NINL: variants seen among roughly 807,000 people sequenced by gnomAD.
The protein encoded by NINL is ninein-like protein.
A neutral mutation model predicts 160.3 loss-of-function variants in NINL; 153 were observed. The observed-to-expected ratio is 0.95, with a 90% confidence interval of 0.84 to 1.09. NINL has a LOEUF of 1.09. Among genes scored for constraint, NINL ranks in the 50% least tolerant of loss-of-function variants. NINL has a pLI of 0.00. For synonymous variants in NINL, 800 were observed against 734.8 expected (o/e 1.09, Z -1.43); for missense variants, 1,829 against 1,764.0 (o/e 1.04, Z -0.66).
At chr20:25,583,499 A>T (rs2065196026) in intron 1 of NINL, among the ~76,000 whole-genome samples, 1 of 152,224 alleles carries the variant, frequency 6.6e-6, no homozygotes, top group African/African-American at 2.4e-5. Flanking sequence ...GCTGTGGAGG[A>T]ATAGGAACGC....
intron 8 of NINL, chr20:25,499,282 C>G: frequency 1.1e-6 from 1 of 952,138 alleles, no homozygotes; most frequent in Non-Finnish European, 1.3e-6. Context: ...AGGGACAGAA[C>G]CGCCACAGCA....
At chr20:25,550,797 T>A (rs1163541676) in intron 1 of NINL, among the ~76,000 whole-genome samples, 1 of 152,092 alleles carries the variant, frequency 6.6e-6, no homozygotes, top group Admixed American at 6.6e-5. Flanking sequence ...TACGATCAGG[T>A]TTTACACTGA....
At chr20:25,480,044 C>T in intron 15 of NINL, 117 bp downstream of exon 15, 1 of 749,852 alleles carries the variant, frequency 1.3e-6, no homozygotes, top group South Asian at 1.5e-5. Context: ...AAGGGGCTCA[C>T]AATGAGACAA....
intron 13 of NINL, among the ~76,000 whole-genome samples, chr20:25,488,616 C>T (rs2063553678): frequency 6.6e-6 from 1 of 151,980 alleles, no homozygotes; most frequent in East Asian, 1.9e-4. Context: ...CAGGTTTGAG[C>T]ATCCCGTCCT....
At chr20:25,512,529 G>A (rs2064088764) in intron 4 of NINL, among the ~76,000 whole-genome samples, 1 of 152,084 alleles carries the variant, frequency 6.6e-6, no homozygotes, top group Non-Finnish European at 1.5e-5. Flanking sequence ...CTTCCCCTTT[G>A]CCTTCCGCCA....
intron 21 of NINL, chr20:25,458,754 G>A (rs2090759644): frequency 3.9e-6 from 2 of 513,244 alleles, no homozygotes; most frequent in Non-Finnish European, 3.4e-6. Flanking sequence ...CAGAAAACAT[G>A]TCCATCACCC....
chr20:25,540,279 CAT>C (rs2147050615), intron 1 of NINL, among the ~76,000 whole-genome samples: 1 of 152,320 alleles, frequency 6.6e-6, no homozygotes, highest in East Asian at 1.9e-4. Context: ...AAGATACAAA[CAT>C]AAACTTTGCC....
chr20:25,547,200 G>A (rs1011378354), intron 1 of NINL, among the ~76,000 whole-genome samples: 30 of 152,116 alleles, frequency 2.0e-4, no homozygotes, highest in Non-Finnish European at 5.9e-5. Flanking sequence ...GACTCTAGGA[G>A]GAAAGGGGCT....
chr20:25,492,262 A>G (rs908270366), intron 10 of NINL, among the ~76,000 whole-genome samples: 1 of 152,216 alleles, frequency 6.6e-6, no homozygotes, highest in Non-Finnish European at 1.5e-5. Flanking sequence ...AGGAAGTACA[A>G]TAATCTGACT....
At chr20:25,503,694 G>A (rs181376034) in intron 7 of NINL, among the ~76,000 whole-genome samples, 4 of 152,338 alleles carry the variant, frequency 2.6e-5, no homozygotes, top group Non-Finnish European at 5.9e-5. Context: ...CATCTTACAC[G>A]TGAGCCTGAG....
chr20:25,466,023 C>CTATTAT (rs369860389), intron 19 of NINL, among the ~76,000 whole-genome samples: 1 of 151,620 alleles, frequency 6.6e-6, no homozygotes, highest in Non-Finnish European at 1.5e-5. Flanking sequence ...AACTTATTTT[C>CTATTAT]TATTATTATT....
intron 17 of NINL, among the ~76,000 whole-genome samples, chr20:25,473,805 T>G (rs1289877288): frequency 6.6e-6 from 1 of 151,858 alleles, no homozygotes; most frequent in Non-Finnish European, 1.5e-5. Context: ...GAGGCAAAGG[T>G]TGCAGTGAGC....
Position 25,505,039 on chromosome 20 carries a change from G to T in NINL, c.557C>A (p.Pro186His). 4 of 1,609,210 alleles carry T rather than the reference G, an allele frequency of 2.5e-6. No homozygotes were observed. The highest frequency in any genetic ancestry group is 3.4e-6 in the Non-Finnish European group (4 of 1,177,298). Residue 186 changes from proline to histidine, a missense_variant, in exon 6 of 24, where the codon CCC becomes CAC. Coordinates refer to ENST00000278886, the MANE Select transcript of NINL (RefSeq NM_025176.6). ...QTWDSEDFGS[P>H]QKSCSPSFDT... ...AAAGGAGGGGCTGCAGGACTTCTGG[G>T]GGCTCCCAAAGTCCTCAGAATCCCA...
At chr20:25,540,239 C>A (rs2064639657) in intron 1 of NINL, among the ~76,000 whole-genome samples, 2 of 152,292 alleles carry the variant, frequency 1.3e-5, no homozygotes, top group South Asian at 2.1e-4. Flanking sequence ...AGTAGGCTCT[C>A]AATAATCCTA....
intron 21 of NINL, among the ~76,000 whole-genome samples, chr20:25,461,276 C>G (rs1006223833): frequency 6.6e-6 from 1 of 152,234 alleles, no homozygotes; most frequent in Non-Finnish European, 1.5e-5. Context: ...CACCCACAGG[C>G]ATGGTGCCCG....
At chr20:25,519,913 AG>A (rs2064231157) in intron 2 of NINL, among the ~76,000 whole-genome samples, 1 of 134,716 alleles carries the variant, frequency 7.4e-6, no homozygotes, top group Non-Finnish European at 1.6e-5. Flanking sequence ...CTGAGGCAGG[AG>A]GATTGCTTAA....
chr20:25,572,376 G>A (rs2065064228), intron 1 of NINL, among the ~76,000 whole-genome samples: 1 of 152,104 alleles, frequency 6.6e-6, no homozygotes. Flanking sequence ...AGAGCCACTG[G>A]AGAGGTGTCT....
chr20:25,489,355 TGG>T, intron 12 of NINL, 31 bp from the exon 13 acceptor site: 1 of 1,605,122 alleles, frequency 6.2e-7, no homozygotes, highest in Non-Finnish European at 8.5e-7. Context: ...AAGTCACGGG[TGG>T]GCCTCGGGCC....
At chr20:25,462,710 G>A (rs888093851) in intron 19 of NINL, 169 bp from the exon 20 acceptor site, 26 of 591,008 alleles carry the variant, frequency 4.4e-5, no homozygotes, top group Non-Finnish European at 6.3e-5. Flanking sequence ...GCTGGAGTGC[G>A]GTGGCACATT....
Sources: gnomAD v4.1 joint callset for allele counts (sites outside exome capture counted in the v4.1 genomes callset) on GRCh38, gnomAD v4.1.1 for gene constraint, MANE v1.5 for transcripts, NCBI Gene and HGNC (gene_info 2026-07-23, HGNC 2026-07-21) for gene names.